Variants in ASL observed in about 807,000 individuals in gnomAD.
ASL encodes the protein argininosuccinate lyase.
A neutral mutation model predicts 69.1 loss-of-function variants in ASL; 51 were observed. The observed-to-expected ratio is 0.74, with a 90% CI of 0.59 to 0.93. The LOEUF (loss-of-function observed/expected upper bound fraction) is 0.93, where lower values mean the gene tolerates loss of function less well. Among genes scored for constraint, ASL ranks in the 40% least tolerant of loss-of-function variants. The probability of loss-of-function intolerance (pLI) is 0.00; values close to 1 mark genes in which losing one functional copy is unlikely to be tolerated. For missense variants in ASL, 540 were observed against 623.9 expected, an observed-to-expected ratio of 0.87 and a Z score of 1.43; for synonymous variants, 241 against 247.6, an observed-to-expected ratio of 0.97 and a Z score of 0.25.
chr7:66,084,362 A>G (rs1249349912), intron 6 of ASL, among the ~76,000 whole-genome samples: 1 of 151,762 alleles, frequency 6.6e-6, no homozygotes, highest in African/African-American at 2.4e-5. Context: ...GGGTTTTGCC[A>G]TGTTGACCAG....
chr7:66,082,000 A>G lies in ASL; in HGVS notation c.207+3A>G, dbSNP rs762685550. The G allele has an allele frequency of 6.2e-7, 1 of 1,600,088 alleles. No homozygotes were observed. The highest frequency in any genetic ancestry group is 8.5e-7 in the Non-Finnish European group (1 of 1,173,516). ...AGATACTCCATGGCCTAGACAAGGT[A>G]CTTGCCGTGGCCCAAGCCCCACCCA... On this transcript the variant is annotated splice_donor_region_variant and intron_variant, in intron 3 of 16. Coordinates refer to ENST00000304874, the MANE Select transcript of ASL (RefSeq NM_000048.4).
At chr7:66,087,476 C>T in intron 9 of ASL, 90 bp downstream of exon 9, 1 of 1,477,052 alleles carries the variant, frequency 6.8e-7, no homozygotes, top group Non-Finnish European at 9.3e-7. Flanking sequence ...GGGCAGGGGC[C>T]TGTGGCTCCT....
chr7:66,081,334 C>A (rs954243491), intron 2 of ASL, among the ~76,000 whole-genome samples: 1 of 152,052 alleles, frequency 6.6e-6, no homozygotes, highest in African/African-American at 2.4e-5. Flanking sequence ...AATCCTAGCA[C>A]TTTCAGAGGC....
intron 2 of ASL, among the ~76,000 whole-genome samples, chr7:66,076,586 G>T (rs916947198): frequency 6.6e-6 from 1 of 152,168 alleles, no homozygotes; most frequent in Non-Finnish European, 1.5e-5. Flanking sequence ...ACGTCGCCTC[G>T]TGGCTCCAGC....
At chr7:66,078,987 G>A (rs986828861) in intron 2 of ASL, among the ~76,000 whole-genome samples, 33 of 152,088 alleles carry the variant, frequency 2.2e-4, no homozygotes, top group Non-Finnish European at 3.7e-4. Flanking sequence ...TCAGCTCACT[G>A]CAAGCTCCGC....
At chr7:66,087,025 G>T (rs1050771999) in intron 8 of ASL, 74 of 713,416 alleles carry the variant, frequency 1.0e-4, no homozygotes, top group Non-Finnish European at 1.4e-4. Flanking sequence ...CTCCAGCAAG[G>T]CTCCTGGCAA....
At chr7:66,091,831 A>G in intron 14 of ASL, 175 bp from the exon 15 acceptor site, 1 of 692,496 alleles carries the variant, frequency 1.4e-6, no homozygotes, top group Non-Finnish European at 2.6e-6. Context: ...TAGCACATGT[A>G]AATATTATCG....
At chr7:66,087,513 G>A in intron 9 of ASL, 127 bp downstream of exon 9, 1 of 1,205,034 alleles carries the variant, frequency 8.3e-7, no homozygotes, top group Non-Finnish European at 1.2e-6. Context: ...ATTGCCTATG[G>A]GCACTGAGGT....
chr7:66,078,872 C>T (rs1233803519), intron 2 of ASL, among the ~76,000 whole-genome samples: 1 of 151,532 alleles, frequency 6.6e-6, no homozygotes, highest in African/African-American at 2.4e-5. Context: ...TGACCTCAAG[C>T]GATCCACCTG....
rs762752759 is a variant in ASL, at chr7:66,087,738, T to C, written c.665T>C (p.Phe222Ser). The change falls in exon 10 of 17, where the codon TTT becomes TCT. Residue 222 changes from phenylalanine (F) to serine (S), a missense_variant. By Grantham distance (155) the Phe-to-Ser change is radical. Coordinates refer to ENST00000304874, the MANE Select transcript of ASL (RefSeq NM_000048.4). ...CCTCCCACCCCCCCAGAACTCAACT[T>C]TGGGGCCATCACTCTCAACAGCATG... ...DRELLRAELN[F>S]GAITLNSMDA... 1.2e-6 allele frequency: 2 copies of C among 1,613,992 alleles called. No homozygotes were observed. Among genetic ancestry groups the C allele is most frequent in the Non-Finnish European group, 1.7e-6 (2 of 1,179,976 alleles).
At chr7:66,090,401 G>A (rs1284965896) in intron 14 of ASL, among the ~76,000 whole-genome samples, 1 of 152,092 alleles carries the variant, frequency 6.6e-6, no homozygotes, top group Non-Finnish European at 1.5e-5. Context: ...AGTCTCCAGA[G>A]TAGCTGGGAC....
rs1786717585 is a variant in ASL, at chr7:66,087,890, T to C, written c.718+99T>C. 11 of 1,482,628 alleles carry C rather than the reference T, an allele frequency of 7.4e-6. No individual in the cohort carries two copies. In the Admixed American group the frequency reaches 1.9e-4, roughly 26 times the overall value. 91.8% of individuals were successfully genotyped at this position (1,482,628 alleles called of 1,614,324 possible). A position where few individuals can be genotyped will look rare whatever the true frequency, so the allele number is the denominator to read the frequency against. ...TCCCACACCTCCACGGACAGGCTGG[T>C]TGTGGTGATATTGTACACTGAAGTA... is the stretch of plus-strand genomic sequence containing the variant. On this transcript the variant is annotated intron_variant, in intron 10 of 16. Transcript: ENST00000304874.
intron 4 of ASL, 137 bp downstream of exon 4, chr7:66,082,588 C>A: frequency 9.4e-7 from 1 of 1,061,026 alleles, no homozygotes; most frequent in South Asian, 1.4e-5. Flanking sequence ...GAGCCAGGCA[C>A]CCTGGCTCAT....
In ASL at chr7:66,093,143, C is replaced by T. The variant is rs916348586; in HGVS notation, c.*231C>T. The T allele has an allele frequency of 7.9e-6, 5 of 630,472 alleles. No individual in the cohort carries two copies. Among genetic ancestry groups the T allele is most frequent in the African/African-American group, 3.7e-5 (2 of 54,340 alleles). The allele number at this position is 630,472 out of a possible 1,614,324, so 39.1% of individuals were successfully genotyped here. On this transcript the variant is annotated 3_prime_UTR_variant, in exon 17 of 17. Transcript: ENST00000304874. Reference sequence around the variant, plus strand: ...CAGCCTGGGCAACACAGGGAGACCCCCATCTCTACTCAATAATAAAACAAA... The same window carrying T: ...CAGCCTGGGCAACACAGGGAGACCCTCATCTCTACTCAATAATAAAACAAA...
At chr7:66,087,609 G>C in intron 9 of ASL, 120 bp from the exon 10 acceptor site, 1 of 1,078,510 alleles carries the variant, frequency 9.3e-7, no homozygotes. Flanking sequence ...CTGTGCAAAA[G>C]ATCCCTCCCC....
intron 4 of ASL, 41 bp from the exon 5 acceptor site, chr7:66,082,839 G>T (rs368487493): frequency 6.2e-7 from 1 of 1,611,976 alleles, no homozygotes; most frequent in Non-Finnish European, 8.5e-7. Context: ...TGACTCCTCT[G>T]GGGGTATAGA....
intron 14 of ASL, 171 bp from the exon 15 acceptor site, chr7:66,091,835 A>C: frequency 2.9e-6 from 2 of 691,634 alleles, no homozygotes; most frequent in Non-Finnish European, 5.2e-6. Context: ...ACATGTAAAT[A>C]TTATCGATAA....
chr7:66,092,747 C>A lies in ASL; in HGVS notation c.1251-21C>A, dbSNP rs112175498. 131 of 1,613,810 alleles carry A rather than the reference C, an allele frequency of 8.1e-5. 5 individuals carry two copies. In the African/African-American group the frequency reaches 1.2e-3, roughly 15 times the overall value. The stretch of plus-strand genomic sequence containing the variant: ...CCCAGGGTGGCCTGGCGCCCTGGCC[C>A]ACCTCTTCCTCTCTCCCCAGCCCCC... On this transcript the variant is annotated intron_variant, in intron 16 of 16. Coordinates refer to ENST00000304874, the MANE Select transcript of ASL (RefSeq NM_000048.4).
At chr7:66,075,924 C>A (rs1035279429) in intron 1 of ASL, 68 bp downstream of exon 1, 7 of 932,562 alleles carry the variant, frequency 7.5e-6, no homozygotes, top group African/African-American at 1.7e-5. Context: ...CGCGCGCTCA[C>A]GTCCGCGTCC....
Sources: allele counts gnomAD v4.1 joint callset (sites outside exome capture counted in the v4.1 genomes callset), GRCh38; gene constraint gnomAD v4.1.1; transcripts MANE v1.5; gene names NCBI Gene and HGNC (gene_info 2026-07-23, HGNC 2026-07-21).